SIK2: variants seen among roughly 807,000 people sequenced by gnomAD.
SIK2 encodes salt inducible kinase 2.
Under a neutral mutation model 103.2 loss-of-function variants are expected in SIK2, and 29 were observed. The ratio of observed to expected loss-of-function variants is 0.28; its 90% confidence interval spans 0.21 to 0.38. SIK2 has a LOEUF of 0.38. Ranked by LOEUF, SIK2 falls within the 10% of genes least tolerant of loss-of-function variation. The pLI, the probability that SIK2 is intolerant of heterozygous loss-of-function variation, is 1.00. For missense variants in SIK2, 879 were observed against 1,171.0 expected (o/e 0.75, Z 3.64); for synonymous variants, 412 against 446.1 (o/e 0.92, Z 0.96).
At chr11:111,682,432 A>G (rs1228034026) in intron 3 of SIK2, among the ~76,000 whole-genome samples, 2 of 152,236 alleles carry the variant, frequency 1.3e-5, no homozygotes, top group Non-Finnish European at 2.9e-5. Context: ...CTTGGTTTGT[A>G]TCCTGATTCA....
At chr11:111,633,556 T>C (rs1027750039) in intron 3 of SIK2, among the ~76,000 whole-genome samples, 2 of 152,194 alleles carry the variant, frequency 1.3e-5, no homozygotes, top group Admixed American at 1.3e-4. Context: ...TGGTTTACTC[T>C]TCACGAGATA....
Position 111,688,129 on chromosome 11 carries a change from C to T in SIK2, c.445C>T (p.Leu149=), listed in dbSNP as rs760868775. 1 of 1,614,108 alleles carries T rather than the reference C, an allele frequency of 6.2e-7. No homozygotes were observed. Among genetic ancestry groups the T allele is most frequent in the Non-Finnish European group, 8.5e-7 (1 of 1,180,020 alleles). Residue 149 remains leucine (L), a synonymous_variant, in exon 4 of 15, where the codon CTG becomes TTG. Coordinates refer to ENST00000304987, the MANE Select transcript of SIK2 (RefSeq NM_015191.3). This position sits in a 1 kb window ranked among gnomAD's most constrained non-coding sequence, Gnocchi z 4.2. ...CCGTGACCTCAAAGCTGAAAATCTC[C>T]TGCTGGATAACAACATGAATATCAA... ...VHRDLKAENL[L]LDNNMNIKIA...
chr11:111,714,421 C>T (rs1943582273), intron 9 of SIK2, among the ~76,000 whole-genome samples: 2 of 152,198 alleles, frequency 1.3e-5, no homozygotes, highest in South Asian at 2.1e-4. Context: ...AGCAAGGAAG[C>T]TCTGGGATCC....
intron 3 of SIK2, among the ~76,000 whole-genome samples, chr11:111,620,995 T>C (rs1418170271): frequency 2.0e-5 from 3 of 152,274 alleles, no homozygotes; most frequent in African/African-American, 7.2e-5. Context: ...CTAAAATATC[T>C]GTTTATTTTT....
rs537073062 is a variant in SIK2 at position 111,609,138 on chromosome 11, C to T, written c.135+6440C>T. ...TTATAAATTTTTTTGTCCTTTGACCCATTTAATTGCATTGTCTTTTTTGTT... is the reference window on the plus strand; with the variant it reads ...TTATAAATTTTTTTGTCCTTTGACCTATTTAATTGCATTGTCTTTTTTGTT... On this transcript the variant is annotated intron_variant, in intron 1 of 14. Transcript: ENST00000304987. 1.5e-3 allele frequency among the ~76,000 whole-genome samples: 222 copies of T among 149,734 alleles called. 2 individuals carry two copies. The highest frequency in any genetic ancestry group is 5.5e-3 in the African/African-American group (216 of 39,420).
At chr11:111,704,179 C>T (rs952958189) in intron 7 of SIK2, among the ~76,000 whole-genome samples, 2 of 152,144 alleles carry the variant, frequency 1.3e-5, no homozygotes, top group African/African-American at 2.4e-5. Flanking sequence ...CACTTTGCGC[C>T]CAGTGATGTT....
At chr11:111,652,904 T>G (rs1268917827) in intron 3 of SIK2, among the ~76,000 whole-genome samples, 1 of 152,212 alleles carries the variant, frequency 6.6e-6, no homozygotes, top group African/African-American at 2.4e-5. Context: ...TAAAAACCCA[T>G]GTTCTTAACC....
At chr11:111,704,195 G>A (rs1200065663) in intron 7 of SIK2, among the ~76,000 whole-genome samples, 4 of 152,154 alleles carry the variant, frequency 2.6e-5, no homozygotes, top group Non-Finnish European at 5.9e-5. Flanking sequence ...ATGTTTTTCT[G>A]TACTTGTCCA....
chr11:111,671,561 C>A (rs528009341), intron 3 of SIK2: 33 of 326,022 alleles, frequency 1.0e-4, no homozygotes, highest in African/African-American at 6.5e-4. Flanking sequence ...TCAGCCTTGG[C>A]CTGGCTGTGA....
intron 3 of SIK2, among the ~76,000 whole-genome samples, chr11:111,677,189 A>G (rs913521367): frequency 2.0e-5 from 3 of 152,170 alleles, no homozygotes; most frequent in African/African-American, 7.2e-5. Context: ...TTCCCAGGCT[A>G]TTCAGTTTTT....
At chr11:111,607,671 G>C (rs529796415) in intron 1 of SIK2, among the ~76,000 whole-genome samples, 71 of 152,220 alleles carry the variant, frequency 4.7e-4, no homozygotes, top group African/African-American at 1.6e-3. Flanking sequence ...AAATAAAATT[G>C]TATTTGTCAT....
intron 1 of SIK2, among the ~76,000 whole-genome samples, chr11:111,607,926 A>C (rs965654575): frequency 8.5e-5 from 13 of 152,312 alleles, no homozygotes; most frequent in African/African-American, 2.6e-4. Flanking sequence ...GTCAATTAAG[A>C]AAACAATTAT....
chr11:111,626,102 A>C (rs1184450583), intron 3 of SIK2, among the ~76,000 whole-genome samples: 1 of 152,212 alleles, frequency 6.6e-6, no homozygotes, highest in African/African-American at 2.4e-5. Context: ...GGTCAATTGG[A>C]GTTCTGGAAA....
intron 3 of SIK2, among the ~76,000 whole-genome samples, chr11:111,655,791 T>G (rs1411529966): frequency 6.6e-6 from 1 of 152,140 alleles, no homozygotes; most frequent in Non-Finnish European, 1.5e-5. Flanking sequence ...CTGAACTCTG[T>G]GGGGGCAAAG....
At chr11:111,622,407 C>G (rs1941901873) in intron 3 of SIK2, among the ~76,000 whole-genome samples, 1 of 151,890 alleles carries the variant, frequency 6.6e-6, no homozygotes, top group Non-Finnish European at 1.5e-5. Context: ...AGGCACCCAC[C>G]ACCACACCCG....
At chr11:111,671,741 TC>T in intron 3 of SIK2, 1 of 405,610 alleles carries the variant, frequency 2.5e-6, no homozygotes, top group South Asian at 2.1e-5. Flanking sequence ...AGTCAACCCT[TC>T]CAGGTGAGAC....
chr11:111,614,709 C>T (rs1041481542), intron 1 of SIK2, among the ~76,000 whole-genome samples: 4 of 152,070 alleles, frequency 2.6e-5, no homozygotes, highest in Admixed American at 1.3e-4. Context: ...AGTTAAATCC[C>T]ATGTTGTTCA....
rs143962729 is a variant in SIK2 at position 111,701,037 on chromosome 11, A to C, written c.603+27A>C. The C allele has an allele frequency of 2.5e-6, 4 of 1,611,168 alleles. No homozygotes were observed. The East Asian group carries it at 8.9e-5, about 36-fold the overall frequency. ...TACTGCTTTGCTTTGCTGTGTTGTT[A>C]AATGCATCTATACTGATAATACTTG... On this transcript the variant is annotated intron_variant, in intron 5 of 14. Transcript: ENST00000304987. The surrounding 1 kb of genome is among the most constrained non-coding windows in gnomAD (Gnocchi z 4.2).
At chr11:111,690,182 C>A (rs992242494) in intron 4 of SIK2, among the ~76,000 whole-genome samples, 1 of 151,438 alleles carries the variant, frequency 6.6e-6, no homozygotes, top group Non-Finnish European at 1.5e-5. Flanking sequence ...TTTTGCCAAC[C>A]TTCTGTGAGG....
Sources: gnomAD v4.1 joint callset for allele counts (sites outside exome capture counted in the v4.1 genomes callset) on GRCh38, gnomAD v4.1.1 for gene constraint, Gnocchi (gnomAD v3.1) non-coding constraint, MANE v1.5 for transcripts, NCBI Gene and HGNC (gene_info 2026-07-23, HGNC 2026-07-21) for gene names.